The following LRCH3 variants were observed in gnomAD, a reference collection of about 807,000 sequenced individuals.
The protein encoded by LRCH3 is DISP complex protein LRCH3.
In LRCH3, 68 loss-of-function variants were observed where a neutral mutation model predicts 104.5. The ratio of observed to expected loss-of-function variants is 0.65; its 90% CI spans 0.54 to 0.80. The LOEUF (loss-of-function observed/expected upper bound fraction) is 0.80. Ranked by LOEUF, LRCH3 falls within the 30% of genes least tolerant of loss-of-function variation. LRCH3 has a pLI of 0.00. For missense variants in LRCH3, 951 were observed against 953.9 expected (o/e 1.00, Z 0.04); for synonymous variants, 344 against 361.3 (o/e 0.95, Z 0.54).
intron 9 of LRCH3, among the ~76,000 whole-genome samples, chr3:197,837,186 A>G (rs1323307847): frequency 6.6e-6 from 1 of 152,196 alleles, no homozygotes; most frequent in Non-Finnish European, 1.5e-5. Flanking sequence ...GGGGCAACTA[A>G]CTATTTTGCA....
chr3:197,831,794 A>T (rs1016691222), intron 7 of LRCH3, among the ~76,000 whole-genome samples: 6 of 151,200 alleles, frequency 4.0e-5, no homozygotes, highest in South Asian at 2.1e-4. Context: ...ATTAAAAAAA[A>T]TTTTTTTTTA....
chr3:197,828,790 C>T (rs760735289), intron 5 of LRCH3, among the ~76,000 whole-genome samples: 3 of 149,994 alleles, frequency 2.0e-5, no homozygotes, highest in Non-Finnish European at 4.4e-5. Flanking sequence ...TTACTGCAGC[C>T]TCCGCCTCCT....
Position 197,824,716 on chromosome 3 carries a change from A to C in LRCH3, c.641-2162A>C, listed in dbSNP as rs1227497042. 1.3e-4 allele frequency among the ~76,000 whole-genome samples: 19 copies of C among 150,148 alleles called. 2 individuals carry two copies. In the East Asian group the frequency reaches 3.0e-3, roughly 24 times the overall value. ...CCTCCCAAGTAGCTGGGATTATAGG[A>C]GCCCGCCACCACGCCTGGCTAACTT... On this transcript the variant is annotated intron_variant, in intron 4 of 20. Coordinates refer to ENST00000425562, the MANE Select transcript of LRCH3 (RefSeq NM_001365715.1).
At chr3:197,825,344 G>A (rs1424007343) in intron 4 of LRCH3, among the ~76,000 whole-genome samples, 1 of 146,790 alleles carries the variant, frequency 6.8e-6, no homozygotes, top group Admixed American at 6.8e-5. Context: ...TTCCGTTTTG[G>A]GAAATTGTTT....
rs1741373516 is a variant in LRCH3 at position 197,865,464 on chromosome 3, A to T, written c.1758A>T (p.Thr586=). 6.5e-7 allele frequency: 1 copy of T among 1,549,096 alleles called. No individual in the cohort carries two copies. Among genetic ancestry groups the T allele is most frequent in the African/African-American group, 1.4e-5 (1 of 71,008 alleles). Residue 586 remains threonine, a synonymous_variant, in exon 16 of 21, where the codon ACA becomes ACT. Coordinates refer to ENST00000425562, the MANE Select transcript of LRCH3 (RefSeq NM_001365715.1). The stretch of plus-strand genomic sequence containing the variant: ...ATGCTCTATTAAGTTCACCTGCAAC[A>T]GAAACAGGTAATAGACACAAAGGTG... ...RPNALLSSPA[T]ETVHHSPAYS...
intron 1 of LRCH3, among the ~76,000 whole-genome samples, chr3:197,797,898 A>T (rs1183807243): frequency 6.6e-6 from 1 of 151,404 alleles, no homozygotes; most frequent in Non-Finnish European, 1.5e-5. Context: ...AAAAAAACAA[A>T]ACCAGAAAAA....
chr3:197,826,432 A>G (rs1454250283), intron 4 of LRCH3, among the ~76,000 whole-genome samples: 1 of 152,158 alleles, frequency 6.6e-6, no homozygotes. Flanking sequence ...TGTGCCTGGG[A>G]TCCCTTAGTT....
At chr3:197,798,393 CTT>C (rs1389333180) in intron 1 of LRCH3, among the ~76,000 whole-genome samples, 2 of 152,300 alleles carry the variant, frequency 1.3e-5, no homozygotes, top group African/African-American at 4.8e-5. Context: ...GAAGAAAACT[CTT>C]GAATGAAATA....
intron 20 of LRCH3, among the ~76,000 whole-genome samples, chr3:197,879,993 T>A (rs902952281): frequency 6.6e-6 from 1 of 150,974 alleles, no homozygotes; most frequent in Non-Finnish European, 1.5e-5. Context: ...TCACCCAGGC[T>A]GGAGTGCGGT....
intron 4 of LRCH3, chr3:197,822,830 G>A (rs1223086065): frequency 1.4e-5 from 2 of 141,804 alleles, no homozygotes; most frequent in African/African-American, 2.6e-5. Flanking sequence ...TTTTTCTTGA[G>A]ACGGAGTCTC....
chr3:197,869,469 G>A (rs1214330584), intron 17 of LRCH3, among the ~76,000 whole-genome samples: 1 of 150,674 alleles, frequency 6.6e-6, no homozygotes, highest in Non-Finnish European at 1.5e-5. Flanking sequence ...GCGGTGCACT[G>A]TACCTGCAGG....
At chr3:197,805,691 C>G (rs1471298864) in intron 1 of LRCH3, among the ~76,000 whole-genome samples, 2 of 150,994 alleles carry the variant, frequency 1.3e-5, no homozygotes, top group Non-Finnish European at 2.9e-5. Context: ...AATTGAAAAC[C>G]TAATGACAGC....
chr3:197,866,903 G>C (rs570556686), intron 17 of LRCH3, among the ~76,000 whole-genome samples: 223 of 152,284 alleles, frequency 1.5e-3, no homozygotes, highest in African/African-American at 5.2e-3. Context: ...GCTTTGGGAG[G>C]CCAAGGCAGG....
rs1741480460 is a variant in LRCH3, at chr3:197,866,329, C to G, written c.1873+110C>G. 5 of 715,338 alleles carry G rather than the reference C, an allele frequency of 7.0e-6. No individual in the cohort carries two copies. The East Asian group carries it at 8.0e-5, about 11-fold the overall frequency. 44.3% of individuals were successfully genotyped at this position (715,338 alleles called of 1,614,324 possible). A position where few individuals can be genotyped will look rare whatever the true frequency, so the allele number is the denominator to read the frequency against. The stretch of plus-strand genomic sequence containing the variant: ...TGCATATAGTATAAGACAAAGCTAT[C>G]AGCTCGGCAAAAGCATGTGTCTGTG... On this transcript the variant is annotated intron_variant, in intron 17 of 20. Coordinates refer to ENST00000425562, the MANE Select transcript of LRCH3 (RefSeq NM_001365715.1).
At chr3:197,861,642 ACTTTCACAG>A (rs1407016317) in intron 15 of LRCH3, among the ~76,000 whole-genome samples, 8 of 152,134 alleles carry the variant, frequency 5.3e-5, no homozygotes, top group Admixed American at 6.5e-5. Context: ...TATCTCTATT[ACTTTCACAG>A]CAATTATACA....
intron 1 of LRCH3, 45 bp downstream of exon 1, chr3:197,791,585 CGGGAGCCGCCCCGGCCGG>C: frequency 6.7e-7 from 1 of 1,486,632 alleles, no homozygotes; most frequent in Non-Finnish European, 8.9e-7. Flanking sequence ...GACCCGGCGC[CGGGAGCCGCCCCGGCCGG>C]GGGAGGCGGA....
intron 17 of LRCH3, among the ~76,000 whole-genome samples, chr3:197,866,866 G>A (rs374043205): frequency 2.0e-5 from 3 of 152,106 alleles, no homozygotes; most frequent in African/African-American, 4.8e-5. Context: ...AAGGTCAGGC[G>A]TGGTGGCTCA....
intron 9 of LRCH3, among the ~76,000 whole-genome samples, chr3:197,838,479 T>C (rs774161427): frequency 5.3e-5 from 8 of 152,242 alleles, no homozygotes; most frequent in Admixed American, 2.6e-4. Flanking sequence ...TAAGTAGTTT[T>C]ATGTTTGATT....
intron 19 of LRCH3, 112 bp from the exon 20 acceptor site, chr3:197,875,586 C>A: frequency 1.4e-6 from 1 of 713,688 alleles, no homozygotes. Context: ...CCTGGGAGGT[C>A]AATGATACAG....
Sources: gnomAD v4.1 joint callset for allele counts (sites outside exome capture counted in the v4.1 genomes callset) on GRCh38, gnomAD v4.1.1 for gene constraint, MANE v1.5 for transcripts, NCBI Gene and HGNC (gene_info 2026-07-23, HGNC 2026-07-21) for gene names.